SDHAF4: variants seen among roughly 807,000 people sequenced by gnomAD.
SDHAF4 encodes succinate dehydrogenase complex assembly factor 4, also known as succinate dehydrogenase assembly factor 4, mitochondrial.
Under a neutral mutation model 14.3 loss-of-function variants are expected in SDHAF4, and 14 were observed. The ratio of observed to expected loss-of-function variants is 0.98; its 90% CI spans 0.65 to 1.53. The LOEUF (loss-of-function observed/expected upper bound fraction) is 1.53. SDHAF4 is among the 40% of genes most tolerant of loss of function. SDHAF4 has a pLI of 0.00. For synonymous variants in SDHAF4, 63 were observed against 47.3 expected, an observed-to-expected ratio of 1.33 and a Z score of -1.36; for missense variants, 141 against 129.3, an observed-to-expected ratio of 1.09 and a Z score of -0.44.
chr6:70,579,516 G>A lies in SDHAF4; in HGVS notation c.167G>A (p.Gly56Asp), dbSNP rs747088145. Residue 56 changes from glycine to aspartate, a missense_variant, in exon 2 of 3, where the codon GGT becomes GAT. Gly to Asp is a moderately conservative substitution (Grantham distance 94). Coordinates refer to ENST00000370474, the MANE Select transcript of SDHAF4 (RefSeq NM_145267.3). ...QSLKKPKLPE[G>D]RFDAPEDSHL... is the part of the protein sequence containing the mutation. ...CTTAAGAAGCCGAAGTTACCAGAAG[G>A]TCGTTTTGATGCACCAGAGGATTCC... The A allele has an allele frequency of 1.2e-6, 2 of 1,611,178 alleles. No individual in the cohort carries two copies. Among genetic ancestry groups the A allele is most frequent in the South Asian group, 2.2e-5 (2 of 90,602 alleles).
chr6:70,569,372 G>A (rs1314230625), intron 1 of SDHAF4, among the ~76,000 whole-genome samples: 2 of 149,170 alleles, frequency 1.3e-5, no homozygotes, highest in African/African-American at 4.9e-5. Context: ...GAGTTCAAAC[G>A]ATTCTCCTGC....
downstream of SDHAF4, among the ~76,000 whole-genome samples, chr6:70,593,838 C>T (rs1031448133): frequency 2.0e-5 from 3 of 151,978 alleles, no homozygotes; most frequent in African/African-American, 7.3e-5. Flanking sequence ...ATTACAGGCA[C>T]CTTCCACCGT....
chr6:70,587,198 A>AC (rs58942545), intron 2 of SDHAF4, among the ~76,000 whole-genome samples: 7 of 143,730 alleles, frequency 4.9e-5, no homozygotes, highest in South Asian at 4.5e-4. Context: ...ACACACACAC[A>AC]AGAATTAGGG....
intron 2 of SDHAF4, among the ~76,000 whole-genome samples, chr6:70,587,972 T>C (rs1336571429): frequency 6.6e-6 from 1 of 152,240 alleles, no homozygotes; most frequent in Non-Finnish European, 1.5e-5. Flanking sequence ...ACCCTTTACA[T>C]GTATTACCTT....
At chr6:70,596,166 G>T in the SDHAF4 span, among the ~76,000 whole-genome samples, 2 of 152,180 alleles carry the variant, frequency 1.3e-5, no homozygotes, top group African/African-American at 4.8e-5. Context: ...TGATGCGGTA[G>T]CCATGGAAAT....
chr6:70,576,162 A>G (rs1465338701), intron 1 of SDHAF4, among the ~76,000 whole-genome samples: 1 of 152,208 alleles, frequency 6.6e-6, no homozygotes. Context: ...ACTTGTGTCG[A>G]AAGCTGTAAA....
chr6:70,568,932 C>T (rs1277071242), intron 1 of SDHAF4, among the ~76,000 whole-genome samples: 1 of 148,278 alleles, frequency 6.7e-6, no homozygotes, highest in Non-Finnish European at 1.5e-5. Context: ...TTCAAATATT[C>T]ACTTTTTGTG....
chr6:70,579,171 G>A (rs1802291209), intron 1 of SDHAF4, among the ~76,000 whole-genome samples: 1 of 152,142 alleles, frequency 6.6e-6, no homozygotes, highest in South Asian at 2.1e-4. Flanking sequence ...TTTAATATAA[G>A]TTTCTGCAAT....
intron 1 of SDHAF4, among the ~76,000 whole-genome samples, chr6:70,577,455 A>G (rs574518582): frequency 3.9e-5 from 6 of 152,200 alleles, no homozygotes; most frequent in Non-Finnish European, 7.4e-5. Context: ...TATTATCTCA[A>G]TGAGGGTTTG....
At chr6:70,587,487 C>T (rs1252221898) in intron 2 of SDHAF4, among the ~76,000 whole-genome samples, 1 of 152,162 alleles carries the variant, frequency 6.6e-6, no homozygotes, top group Non-Finnish European at 1.5e-5. Flanking sequence ...GAGCTAGGCT[C>T]CATCTTAAAA....
At chr6:70,567,224 C>T (rs1029967790) in intron 1 of SDHAF4, among the ~76,000 whole-genome samples, 2 of 152,196 alleles carry the variant, frequency 1.3e-5, no homozygotes, top group Non-Finnish European at 2.9e-5. Context: ...TCGCTAAGGC[C>T]CTTTCAGCCC....
chr6:70,590,067 G>A (rs532948378), downstream of SDHAF4, among the ~76,000 whole-genome samples: 14 of 152,122 alleles, frequency 9.2e-5, no homozygotes, highest in African/African-American at 1.9e-4. Flanking sequence ...GCAAAACCCC[G>A]TCTCTACTAA....
rs1385593105 is a variant in SDHAF4, at chr6:70,588,858, A to G, written c.*134A>G. 2 of 228,586 alleles carry G rather than the reference A, an allele frequency of 8.7e-6. No individual in the cohort carries two copies. Among genetic ancestry groups the G allele is most frequent in the Non-Finnish European group, 1.6e-5 (2 of 128,176 alleles). 14.2% of individuals were successfully genotyped at this position (228,586 alleles called of 1,614,324 possible). On this transcript the variant is annotated 3_prime_UTR_variant, in exon 3 of 3. Coordinates refer to ENST00000370474, the MANE Select transcript of SDHAF4 (RefSeq NM_145267.3). The stretch of plus-strand genomic sequence containing the variant: ...ATGTGTTTAAATATATATATATATG[A>G]TGGCTTTGGAAGAAAATATGCTGCT...
At chr6:70,577,649 T>C (rs967166378) in intron 1 of SDHAF4, among the ~76,000 whole-genome samples, 2 of 152,098 alleles carry the variant, frequency 1.3e-5, no homozygotes, top group Non-Finnish European at 2.9e-5. Context: ...ATACGAATAA[T>C]CCCATCACCC....
chr6:70,567,033 G>C (rs2128532807), intron 1 of SDHAF4, 29 bp downstream of exon 1: 1 of 1,560,480 alleles, frequency 6.4e-7, no homozygotes, highest in South Asian at 1.2e-5. Flanking sequence ...GGCCACGGTC[G>C]CGGGAGGGGT....
intron 2 of SDHAF4, among the ~76,000 whole-genome samples, chr6:70,580,496 G>A (rs1802309271): frequency 6.6e-6 from 1 of 152,140 alleles, no homozygotes; most frequent in Non-Finnish European, 1.5e-5. Context: ...TAAAGGAATT[G>A]AAAGCAGGGA....
intron 1 of SDHAF4, among the ~76,000 whole-genome samples, chr6:70,573,677 A>ATTT (rs576602774): frequency 8.4e-6 from 1 of 119,520 alleles, no homozygotes; most frequent in Non-Finnish European, 1.8e-5. Flanking sequence ...TCTTTTTTTT[A>ATTT]TTTTTTTTTT....
downstream of SDHAF4, among the ~76,000 whole-genome samples, chr6:70,590,090 T>G (rs1156343835): frequency 6.6e-6 from 1 of 152,060 alleles, no homozygotes. Flanking sequence ...ATACAAAAAC[T>G]AGCTGGGCGT....
Position 70,589,115 on chromosome 6 carries a change from G to C in SDHAF4, c.*391G>C, listed in dbSNP as rs1044168244. The stretch of plus-strand genomic sequence containing the variant: ...AACTCCGTCTCAAAAAAAAAGATAG[G>C]AAAGGGAAAATATTTTTTCATTAAC... On this transcript the variant is annotated 3_prime_UTR_variant, in exon 3 of 3. Coordinates refer to ENST00000370474, the MANE Select transcript of SDHAF4 (RefSeq NM_145267.3). The C allele has an allele frequency of 6.5e-6, 1 of 153,266 alleles. No homozygotes were observed. Among genetic ancestry groups the C allele is most frequent in the African/African-American group, 2.4e-5 (1 of 41,316 alleles). 9.5% of individuals were successfully genotyped at this position (153,266 alleles called of 1,614,324 possible).
Sources: gnomAD v4.1 joint callset for allele counts (sites outside exome capture counted in the v4.1 genomes callset) on GRCh38, gnomAD v4.1.1 for gene constraint, MANE v1.5 for transcripts, NCBI Gene and HGNC (gene_info 2026-07-23, HGNC 2026-07-21) for gene names.